OR6C3: variants seen among roughly 807,000 people sequenced by gnomAD.
OR6C3 encodes the protein olfactory receptor family 6 subfamily C member 3.
For missense variants in OR6C3, 487 were observed against 364.6 expected, an observed-to-expected ratio of 1.34 and a Z score of -2.73; for synonymous variants, 177 against 137.4, an observed-to-expected ratio of 1.29 and a Z score of -2.02.
chr12:55,332,136 T>C lies in OR6C3; in HGVS notation c.436T>C (p.Trp146Arg). Residue 146 changes from tryptophan (W) to arginine (R), a missense_variant, in exon 2 of 2, where the codon TGG becomes CGG. Physicochemically the swap from Trp to Arg is moderately radical, Grantham distance 101. Coordinates refer to ENST00000641740, the MANE Select transcript of OR6C3 (RefSeq NM_001388498.1). Reference sequence around the variant, plus strand: ...CTGCACTCTACTTGTGCTGTGTGCCTGGCTAAGTGGGTTTCTGACCATTTT... The same window carrying C: ...CTGCACTCTACTTGTGCTGTGTGCCCGGCTAAGTGGGTTTCTGACCATTTT... ...KLCTLLVLCA[W>R]LSGFLTIFPP... 1.2e-6 allele frequency: 2 copies of C among 1,614,190 alleles called. No homozygotes were observed. Among genetic ancestry groups the C allele is most frequent in the Non-Finnish European group, 1.7e-6 (2 of 1,180,040 alleles).
Position 55,332,474 on chromosome 12 carries a change from T to C in OR6C3, c.774T>C (p.Asn258=). 1 of 1,614,090 alleles carries C rather than the reference T, an allele frequency of 6.2e-7. No individual in the cohort carries two copies. Among genetic ancestry groups the C allele is most frequent in the Admixed American group, 1.7e-5 (1 of 60,010 alleles). The part of the protein sequence containing the change: ...SYGSCIFMYA[N]PSAKEKASLT... ...GAAGCTGTATATTCATGTATGCTAA[T>C]CCATCTGCAAAAGAAAAGGCATCAT... is the stretch of plus-strand genomic sequence containing the variant. Residue 258 remains asparagine (N), a synonymous_variant, in exon 2 of 2, where the codon AAT becomes AAC. Transcript: ENST00000641740.
upstream of OR6C3, chr12:55,330,219 T>C (rs1868799356): frequency 6.6e-6 from 1 of 152,198 alleles, no homozygotes; most frequent in Non-Finnish European, 1.5e-5. Flanking sequence ...CAATGTGTCA[T>C]ATATTTACCT....
Position 55,332,309 on chromosome 12 carries a change from T to G in OR6C3, c.609T>G (p.Thr203=), listed in dbSNP as rs1274221087. ...TTGGTTTTTACTTTGCTTTGGTTACTTTGCTGTTCACTTTGGCATTAGTGA... is the reference window on the plus strand; with the variant it reads ...TTGGTTTTTACTTTGCTTTGGTTACGTTGCTGTTCACTTTGGCATTAGTGA... ...EVIGFYFALV[T]LLFTLALVIL... The change falls in exon 2 of 2, where the codon ACT becomes ACG. Residue 203 remains threonine (T), a synonymous_variant. Coordinates refer to ENST00000641740, the MANE Select transcript of OR6C3 (RefSeq NM_001388498.1). 6.2e-7 allele frequency: 1 copy of G among 1,614,042 alleles called. No homozygotes were observed. The highest frequency in any genetic ancestry group is 1.3e-5 in the African/African-American group (1 of 74,944).
chr12:55,331,281 T>C (rs1177450750), intron 1 of OR6C3, among the ~76,000 whole-genome samples: 1 of 151,536 alleles, frequency 6.6e-6, no homozygotes, highest in African/African-American at 2.4e-5. Flanking sequence ...ATTTTATGTT[T>C]AGGTGGTAAT....
In OR6C3 at chr12:55,332,114, C is replaced by A; in HGVS notation, c.414C>A (p.Cys138Ter). 1 of 1,614,150 alleles carries A rather than the reference C, an allele frequency of 6.2e-7. No homozygotes were observed. The highest frequency in any genetic ancestry group is 8.5e-7 in the Non-Finnish European group (1 of 1,180,018). The change falls in exon 2 of 2, where the codon TGC becomes TGA. Residue 138 changes from cysteine to a stop codon, truncating the protein, a stop_gained. Coordinates refer to ENST00000641740, the MANE Select transcript of OR6C3 (RefSeq NM_001388498.1). LOFTEE classifies it low-confidence loss of function (END_TRUNC). Reference sequence around the variant, plus strand: ...CATCCATCATGAACAGGAAACTCTGCACTCTACTTGTGCTGTGTGCCTGGC... The same window carrying A: ...CATCCATCATGAACAGGAAACTCTGAACTCTACTTGTGCTGTGTGCCTGGC... ...HYTSIMNRKLCTLLVLCAWLS... is the reference protein window; with the variant it reads ...HYTSIMNRKL
rs894391147 is a variant in OR6C3 at position 55,332,340 on chromosome 12, T to C, written c.640T>C (p.Ser214Pro). The C allele has an allele frequency of 1.2e-6, 2 of 1,614,044 alleles. No homozygotes were observed. Among genetic ancestry groups the C allele is most frequent in the African/African-American group, 2.7e-5 (2 of 74,950 alleles). The change falls in exon 2 of 2, where the codon TCT becomes CCT. Residue 214 changes from serine to proline, a missense_variant. Transcript: ENST00000641740. ...GTTCACTTTGGCATTAGTGATTTTA[T>C]CTTACATGTACATTATCAGGACCAT... ...LLFTLALVIL[S>P]YMYIIRTILR...
intron 1 of OR6C3, among the ~76,000 whole-genome samples, chr12:55,331,385 C>G (rs1311814525): frequency 6.6e-6 from 1 of 151,936 alleles, no homozygotes; most frequent in Admixed American, 6.6e-5. Flanking sequence ...ATTAATGGGA[C>G]ACAAAGCAGG....
chr12:55,330,988 G>C (rs1299667316), intron 1 of OR6C3, among the ~76,000 whole-genome samples, 181 bp downstream of exon 1: 1 of 151,804 alleles, frequency 6.6e-6, no homozygotes, highest in African/African-American at 2.4e-5. Context: ...AAACCAATAA[G>C]TAAGCGAACA....
At position 55,331,796 on chromosome 12, in the gene OR6C3, T is replaced by A. The variant is rs754080339; in HGVS notation, c.96T>A (p.Tyr32Ter). 1 of 1,613,420 alleles carries A rather than the reference T, an allele frequency of 6.2e-7. No individual in the cohort carries two copies. Among genetic ancestry groups the A allele is most frequent in the African/African-American group, 1.3e-5 (1 of 74,930 alleles). The change falls in exon 2 of 2, where the codon TAT becomes TAA. Residue 32 changes from tyrosine to a stop codon, truncating the protein, a stop_gained. Coordinates refer to ENST00000641740, the MANE Select transcript of OR6C3 (RefSeq NM_001388498.1). LOFTEE classifies it low-confidence loss of function (END_TRUNC). ...IVIFLFLFIT[Y>*]ILSVTGNLTI... ...TTTTTCTCTTTTTATTTATCACGTA[T>A]ATATTAAGTGTTACTGGAAACCTGA...
At position 55,331,941 on chromosome 12, in the gene OR6C3, G is replaced by A. The variant is rs763211092; in HGVS notation, c.241G>A (p.Ala81Thr). 6.2e-6 allele frequency: 10 copies of A among 1,613,980 alleles called. No individual in the cohort carries two copies. The East Asian group carries it at 8.9e-5, about 14-fold the overall frequency. ...TTVCIPRFLG[A>T]IITRNKTISY... ...CGTATGCATCCCCAGATTTCTGGGG[G>A]CAATTATCACCAGGAATAAGACTAT... The change falls in exon 2 of 2, where the codon GCA (alanine) becomes ACA (threonine). Residue 81 changes from alanine (A) to threonine (T), a missense_variant. Ala to Thr is a moderately conservative substitution (Grantham distance 58). Transcript: ENST00000641740.
chr12:55,332,119 T>C lies in OR6C3; in HGVS notation c.419T>C (p.Leu140Pro), dbSNP rs760652834. Reference protein sequence around the residue: ...TSIMNRKLCTLLVLCAWLSGF... With the variant: ...TSIMNRKLCTPLVLCAWLSGF... ...ATCATGAACAGGAAACTCTGCACTC[T>C]ACTTGTGCTGTGTGCCTGGCTAAGT... is the stretch of plus-strand genomic sequence containing the variant. The change falls in exon 2 of 2, where the codon CTA (leucine) becomes CCA (proline). Residue 140 changes from leucine to proline, a missense_variant. By Grantham distance (98) the Leu-to-Pro change is moderately conservative. Transcript: ENST00000641740. 6.2e-7 allele frequency: 1 copy of C among 1,614,176 alleles called. No individual in the cohort carries two copies. Among genetic ancestry groups the C allele is most frequent in the South Asian group, 1.1e-5 (1 of 91,082 alleles).
intron 1 of OR6C3, among the ~76,000 whole-genome samples, 174 bp downstream of exon 1, chr12:55,330,981 C>G (rs2120472686): frequency 6.6e-6 from 1 of 151,680 alleles, no homozygotes; most frequent in South Asian, 2.1e-4. Context: ...ATAAGACAAA[C>G]CAATAAGTAA....
rs187087796 is a variant in OR6C3 at position 55,331,576 on chromosome 12, T to C, written c.-44-81T>C. The C allele has an allele frequency of 9.0e-5, 55 of 611,812 alleles. No homozygotes were observed. The East Asian group carries it at 1.1e-3, about 12-fold the overall frequency. 37.9% of individuals were successfully genotyped at this position (611,812 alleles called of 1,614,324 possible). On this transcript the variant is annotated intron_variant, in intron 1 of 1. Coordinates refer to ENST00000641740, the MANE Select transcript of OR6C3 (RefSeq NM_001388498.1). The stretch of plus-strand genomic sequence containing the variant: ...ACTGTAGAAGATTTTTAGAATTGTA[T>C]TGATAATTATATGGATCATGATGAA...
Position 55,332,224 on chromosome 12 carries a change from C to T in OR6C3, c.524C>T (p.Ala175Val), listed in dbSNP as rs752162922. The change falls in exon 2 of 2, where the codon GCA becomes GTA. Residue 175 changes from alanine (A) to valine (V), a missense_variant. Physicochemically the swap from Ala to Val is moderately conservative, Grantham distance 64. Transcript: ENST00000641740. ...GCTTCCAACGTCATTGATCACTTTG[C>T]ATGTGACTATTTTCCCCTCTTACAA... ...YCASNVIDHF[A>V]CDYFPLLQLS... is the part of the protein sequence containing the mutation. The T allele has an allele frequency of 6.4e-5, 103 of 1,613,968 alleles. No homozygotes were observed. Among genetic ancestry groups the T allele is most frequent in the Non-Finnish European group, 8.6e-5 (101 of 1,180,012 alleles).
At position 55,331,882 on chromosome 12, in the gene OR6C3, G is replaced by T. The variant is rs372567255; in HGVS notation, c.182G>T (p.Arg61Leu). The change falls in exon 2 of 2, where the codon CGG becomes CTG. Residue 61 changes from arginine to leucine, a missense_variant. Physicochemically the swap from Arg to Leu is moderately radical, Grantham distance 102. Coordinates refer to ENST00000641740, the MANE Select transcript of OR6C3 (RefSeq NM_001388498.1). The part of the protein sequence containing the change: ...HLQTPMYFFL[R>L]NFSFLEISFT... ...CAGACACCTATGTATTTCTTCCTCC[G>T]GAACTTCTCTTTCTTAGAAATCTCA... 28 of 1,613,808 alleles carry T rather than the reference G, an allele frequency of 1.7e-5. No individual in the cohort carries two copies. Among genetic ancestry groups the T allele is most frequent in the Non-Finnish European group, 2.4e-5 (28 of 1,179,976 alleles).
chr12:55,332,232 T>C lies in OR6C3; in HGVS notation c.532T>C (p.Tyr178His). ...CGTCATTGATCACTTTGCATGTGAC[T>C]ATTTTCCCCTCTTACAACTATCTTG... is the stretch of plus-strand genomic sequence containing the variant. ...SNVIDHFACD[Y>H]FPLLQLSCSD... Residue 178 changes from tyrosine (Y) to histidine (H), a missense_variant, in exon 2 of 2, where the codon TAT (tyrosine) becomes CAT (histidine). Transcript: ENST00000641740. 6.2e-7 allele frequency: 1 copy of C among 1,614,154 alleles called. No individual in the cohort carries two copies. Among genetic ancestry groups the C allele is most frequent in the Non-Finnish European group, 8.5e-7 (1 of 1,180,026 alleles).
Position 55,331,881 on chromosome 12 carries a change from C to T in OR6C3, c.181C>T (p.Arg61Trp), listed in dbSNP as rs371586917. Residue 61 changes from arginine to tryptophan, a missense_variant, in exon 2 of 2, where the codon CGG (arginine) becomes TGG (tryptophan). Physicochemically the swap from Arg to Trp is moderately radical, Grantham distance 101. Coordinates refer to ENST00000641740, the MANE Select transcript of OR6C3 (RefSeq NM_001388498.1). ...GCAGACACCTATGTATTTCTTCCTC[C>T]GGAACTTCTCTTTCTTAGAAATCTC... is the stretch of plus-strand genomic sequence containing the variant. ...HLQTPMYFFLRNFSFLEISFT... is the reference protein window; with the variant it reads ...HLQTPMYFFLWNFSFLEISFT... The T allele has an allele frequency of 4.3e-5, 69 of 1,614,022 alleles. No homozygotes were observed. The Admixed American group carries it at 4.3e-4, about 10-fold the overall frequency.
rs751601481 is a variant in OR6C3, at chr12:55,332,016, G to T, written c.316G>T (p.Val106Leu). ...AQLFFFIFMG[V>L]TEFYILTAMS... ...ACTCTTTTTCTTTATCTTCATGGGG[G>T]TGACTGAATTTTACATTTTAACTGC... The change falls in exon 2 of 2, where the codon GTG (valine) becomes TTG (leucine). Residue 106 changes from valine to leucine, a missense_variant. Coordinates refer to ENST00000641740, the MANE Select transcript of OR6C3 (RefSeq NM_001388498.1). 1 of 1,614,100 alleles carries T rather than the reference G, an allele frequency of 6.2e-7. No individual in the cohort carries two copies. The highest frequency in any genetic ancestry group is 8.5e-7 in the Non-Finnish European group (1 of 1,180,016).
At position 55,332,078 on chromosome 12, in the gene OR6C3, C is replaced by G. The variant is rs771468038; in HGVS notation, c.378C>G (p.Pro126=). The G allele has an allele frequency of 6.2e-7, 1 of 1,614,116 alleles. No homozygotes were observed. ...ACCGCTATGTTGCCATCTGCAAGCC[C>G]CTTCATTACACATCCATCATGAACA... The part of the protein sequence containing the change: ...SYDRYVAICK[P]LHYTSIMNRK... Residue 126 remains proline (P), a synonymous_variant, in exon 2 of 2, where the codon CCC becomes CCG. Coordinates refer to ENST00000641740, the MANE Select transcript of OR6C3 (RefSeq NM_001388498.1).
Sources: allele counts gnomAD v4.1 joint callset (sites outside exome capture counted in the v4.1 genomes callset), GRCh38; gene constraint gnomAD v4.1.1; transcripts MANE v1.5; gene names NCBI Gene and HGNC (gene_info 2026-07-23, HGNC 2026-07-21).